KCND2: variants seen among roughly 807,000 people sequenced by gnomAD.
KCND2 encodes the protein potassium voltage-gated channel subfamily D member 2.
Under a neutral mutation model 54.4 loss-of-function variants are expected in KCND2, and 16 were observed. The ratio of observed to expected loss-of-function variants is 0.29; its 90% confidence interval spans 0.20 to 0.45. The LOEUF (loss-of-function observed/expected upper bound fraction) is 0.45, where lower values mean the gene tolerates loss of function less well. KCND2 is among the 20% of genes least tolerant of loss of function. The pLI is 1.00. For missense variants in KCND2, 486 were observed against 824.2 expected, an observed-to-expected ratio of 0.59 and a Z score of 5.02; for synonymous variants, 317 against 310.7, an observed-to-expected ratio of 1.02 and a Z score of -0.21.
intron 1 of KCND2, among the ~76,000 whole-genome samples, chr7:120,671,967 T>G (rs896430092): frequency 2.0e-5 from 3 of 152,150 alleles, no homozygotes; most frequent in Non-Finnish European, 2.9e-5. Flanking sequence ...TTTTTCTTTT[T>G]GTAAATTTAT....
chr7:120,677,517 A>G (rs1305474086), intron 1 of KCND2, among the ~76,000 whole-genome samples: 1 of 131,114 alleles, frequency 7.6e-6, no homozygotes, highest in Non-Finnish European at 1.6e-5. Context: ...AAGAATTCAA[A>G]TATATATATA....
At chr7:120,505,751 C>T (rs1406585636) in intron 1 of KCND2, among the ~76,000 whole-genome samples, 1 of 151,578 alleles carries the variant, frequency 6.6e-6, no homozygotes, top group Non-Finnish European at 1.5e-5. Flanking sequence ...AGAGTCAGTG[C>T]AACACATAAA....
intron 1 of KCND2, among the ~76,000 whole-genome samples, chr7:120,456,858 C>G (rs1301245417): frequency 6.6e-6 from 1 of 152,232 alleles, no homozygotes; most frequent in Non-Finnish European, 1.5e-5. Flanking sequence ...CCCTTCCACA[C>G]TGCCTTAGCA....
chr7:120,368,760 T>C (rs1800722162), intron 1 of KCND2, among the ~76,000 whole-genome samples: 1 of 152,114 alleles, frequency 6.6e-6, no homozygotes. Context: ...ATTATTGTCA[T>C]CCATAAAGAA....
At chr7:120,679,899 C>T (rs958179375) in intron 1 of KCND2, among the ~76,000 whole-genome samples, 1 of 152,030 alleles carries the variant, frequency 6.6e-6, no homozygotes, top group East Asian at 1.9e-4. Flanking sequence ...CCCCTAATAC[C>T]TGCATAGATT....
At chr7:120,619,887 A>G (rs1249407602) in intron 1 of KCND2, among the ~76,000 whole-genome samples, 1 of 152,180 alleles carries the variant, frequency 6.6e-6, no homozygotes, top group Non-Finnish European at 1.5e-5. Flanking sequence ...AACTTCTAAA[A>G]CAAAAATACA....
intron 1 of KCND2, among the ~76,000 whole-genome samples, chr7:120,689,622 A>C (rs917070999): frequency 2.0e-5 from 3 of 152,182 alleles, no homozygotes; most frequent in Non-Finnish European, 4.4e-5. Flanking sequence ...GATTTATATG[A>C]TAATTTAGAC....
rs1474527251 is a variant in KCND2 at position 120,401,813 on chromosome 7, T to C, written c.1115+126066T>C. 7.2e-5 allele frequency among the ~76,000 whole-genome samples: 11 copies of C among 152,284 alleles called. No individual in the cohort carries two copies. The East Asian group carries it at 1.2e-3, about 16-fold the overall frequency. ...TCCTGTATTCAGTTTTCCATCAATT[T>C]TGAGTCTAAGACTTATTTTTCTATC... On this transcript the variant is annotated intron_variant, in intron 1 of 5. Coordinates refer to ENST00000331113, the MANE Select transcript of KCND2 (RefSeq NM_012281.3).
chr7:120,454,973 C>A (rs1025457915), intron 1 of KCND2, among the ~76,000 whole-genome samples: 1 of 151,928 alleles, frequency 6.6e-6, no homozygotes, highest in Non-Finnish European at 1.5e-5. Flanking sequence ...ATACAGTTAA[C>A]CAAGGAGGTA....
At chr7:120,567,283 T>C (rs1792310941) in intron 1 of KCND2, among the ~76,000 whole-genome samples, 1 of 152,184 alleles carries the variant, frequency 6.6e-6, no homozygotes, top group African/African-American at 2.4e-5. Flanking sequence ...TCATATGTAA[T>C]TATATATTCT....
In KCND2 at chr7:120,292,816, G is replaced by A. The variant is rs114004231; in HGVS notation, c.1115+17069G>A. ...AGAAAACTATTATGTTCCTCCTTAGGCTTTTTTTGCTGGGGTTATCTTCCC... is the reference window on the plus strand; with the variant it reads ...AGAAAACTATTATGTTCCTCCTTAGACTTTTTTTGCTGGGGTTATCTTCCC... On this transcript the variant is annotated intron_variant, in intron 1 of 5. Coordinates refer to ENST00000331113, the MANE Select transcript of KCND2 (RefSeq NM_012281.3). Among the ~76,000 whole-genome samples, 954 of 151,780 alleles carry A rather than the reference G, an allele frequency of 6.3e-3. 4 individuals are homozygous for A. Among genetic ancestry groups the A allele is most frequent in the African/African-American group, 0.021 (884 of 41,462 alleles).
At chr7:120,516,320 C>G (rs1221720839) in intron 1 of KCND2, among the ~76,000 whole-genome samples, 5 of 152,036 alleles carry the variant, frequency 3.3e-5, no homozygotes, top group Non-Finnish European at 5.9e-5. Context: ...AAGAGAGTGT[C>G]CTTTTTAAAA....
At chr7:120,626,409 A>G (rs1793164271) in intron 1 of KCND2, among the ~76,000 whole-genome samples, 1 of 152,160 alleles carries the variant, frequency 6.6e-6, no homozygotes, top group African/African-American at 2.4e-5. Flanking sequence ...ATTTTCGAGT[A>G]TGTATTTCTA....
At chr7:120,524,846 TA>T (rs1367502908) in intron 1 of KCND2, among the ~76,000 whole-genome samples, 1 of 152,158 alleles carries the variant, frequency 6.6e-6, no homozygotes, top group East Asian at 1.9e-4. Context: ...AAAGGAAAAT[TA>T]ATAAAATCTG....
At chr7:120,599,855 A>C (rs952723060) in intron 1 of KCND2, among the ~76,000 whole-genome samples, 1 of 151,860 alleles carries the variant, frequency 6.6e-6, no homozygotes, top group Non-Finnish European at 1.5e-5. Context: ...GAGTGCAGAC[A>C]TTTTTGCATT....
intron 1 of KCND2, among the ~76,000 whole-genome samples, chr7:120,696,443 A>G (rs1249990058): frequency 6.6e-6 from 1 of 152,178 alleles, no homozygotes; most frequent in Non-Finnish European, 1.5e-5. Flanking sequence ...TTGTACTGCC[A>G]TACTAAATTT....
intron 1 of KCND2, among the ~76,000 whole-genome samples, chr7:120,317,764 T>A (rs1351733805): frequency 6.6e-6 from 1 of 152,202 alleles, no homozygotes; most frequent in East Asian, 1.9e-4. Flanking sequence ...TCTGTGCATG[T>A]GTAATTAAGT....
intron 1 of KCND2, among the ~76,000 whole-genome samples, chr7:120,428,902 T>C (rs1801752653): frequency 6.6e-6 from 1 of 152,198 alleles, no homozygotes; most frequent in African/African-American, 2.4e-5. Flanking sequence ...CCTTTATTTT[T>C]ACCTCTCCAA....
chr7:120,614,695 G>A (rs1331120789), intron 1 of KCND2, among the ~76,000 whole-genome samples: 5 of 152,154 alleles, frequency 3.3e-5, no homozygotes, highest in Admixed American at 3.3e-4. Context: ...CACAGGATAA[G>A]TATGGTACAA....
Sources: gnomAD v4.1 joint callset for allele counts (sites outside exome capture counted in the v4.1 genomes callset) on GRCh38, gnomAD v4.1.1 for gene constraint, MANE v1.5 for transcripts, NCBI Gene and HGNC (gene_info 2026-07-23, HGNC 2026-07-21) for gene names.